ACTR3C: variants seen among roughly 807,000 people sequenced by gnomAD.
The protein encoded by ACTR3C is actin-related protein 3C.
A neutral mutation model predicts 26.3 loss-of-function variants in ACTR3C; 18 were observed. The ratio of observed to expected loss-of-function variants is 0.68; its 90% CI spans 0.47 to 1.01. The LOEUF (loss-of-function observed/expected upper bound fraction) is 1.01. Among genes scored for constraint, ACTR3C ranks in the 50% least tolerant of loss-of-function variants. ACTR3C has a pLI of 0.00. For synonymous variants in ACTR3C, 55 were observed against 94.5 expected (o/e 0.58, Z 2.42); for missense variants, 184 against 250.7 (o/e 0.73, Z 1.80).
the ACTR3C span, among the ~76,000 whole-genome samples, chr7:150,199,106 G>A: frequency 2.0e-5 from 3 of 150,818 alleles, no homozygotes; most frequent in African/African-American, 7.4e-5. Context: ...TGGGAGGTGT[G>A]CCCAACAGCT....
chr7:150,239,540 C>CTATA (rs869280836), downstream of ACTR3C, among the ~76,000 whole-genome samples: 2,353 of 90,014 alleles, frequency 0.026, 80 homozygotes, highest in Non-Finnish European at 0.034. Context: ...CTCTCTCTCT[C>CTATA]TATATATATA....
At chr7:150,099,051 G>A in the ACTR3C span, among the ~76,000 whole-genome samples, 1 of 147,452 alleles carries the variant, frequency 6.8e-6, no homozygotes, top group African/African-American at 2.6e-5. Flanking sequence ...CTCCATGATG[G>A]CCTAATATGC....
chr7:150,276,213 T>C (rs1486946877), intron 6 of ACTR3C, among the ~76,000 whole-genome samples: 2 of 152,084 alleles, frequency 1.3e-5, no homozygotes, highest in Admixed American at 1.3e-4. Context: ...AATGCGGTAT[T>C]AAAAATAACA....
the ACTR3C span, chr7:149,892,493 T>C: frequency 1.1e-5 from 14 of 1,226,622 alleles, no homozygotes; most frequent in Admixed American, 2.9e-5. Flanking sequence ...CACAAGTAAA[T>C]TTTCATTGTT....
intron 1 of ACTR3C, among the ~76,000 whole-genome samples, chr7:150,306,434 T>C (rs1277512994): frequency 2.0e-5 from 3 of 152,242 alleles, no homozygotes; most frequent in African/African-American, 7.2e-5. Flanking sequence ...AGGTAGTTTA[T>C]GTGATATGCT....
the ACTR3C span, among the ~76,000 whole-genome samples, chr7:149,975,233 A>C: frequency 6.6e-6 from 1 of 152,222 alleles, no homozygotes; most frequent in Non-Finnish European, 1.5e-5. Flanking sequence ...TTTAGAAATC[A>C]ATAACAGATG....
chr7:150,319,470 G>T (rs928063752), intron 1 of ACTR3C, among the ~76,000 whole-genome samples: 4 of 152,174 alleles, frequency 2.6e-5, no homozygotes, highest in African/African-American at 9.7e-5. Context: ...GCCTCCCAAA[G>T]TGCTGGGATT....
At chr7:150,220,376 A>G in the ACTR3C span, among the ~76,000 whole-genome samples, 3 of 145,150 alleles carry the variant, frequency 2.1e-5, no homozygotes, top group East Asian at 5.9e-4. Context: ...GTGGCGACAG[A>G]GGTGCGCGCC....
the ACTR3C span, among the ~76,000 whole-genome samples, chr7:149,911,645 G>A: frequency 1.2e-3 from 184 of 150,500 alleles, no homozygotes; most frequent in African/African-American, 4.2e-3. Flanking sequence ...AAGAGGAGCA[G>A]TGGCCTATGT....
chr7:150,048,786 C>T, the ACTR3C span, among the ~76,000 whole-genome samples: 1 of 152,110 alleles, frequency 6.6e-6, no homozygotes, highest in Admixed American at 6.5e-5. Context: ...GCGGGGTGGT[C>T]GGACGACGCT....
At chr7:149,920,164 T>C in the ACTR3C span, among the ~76,000 whole-genome samples, 28 of 152,332 alleles carry the variant, frequency 1.8e-4, no homozygotes, top group East Asian at 5.2e-3. Flanking sequence ...GGCTGGGTTA[T>C]ATCTGCAAGT....
the ACTR3C span, among the ~76,000 whole-genome samples, chr7:150,109,598 T>C: frequency 4.0e-5 from 6 of 149,220 alleles, no homozygotes; most frequent in Non-Finnish European, 5.9e-5. Flanking sequence ...GAGCATTTCT[T>C]CTCGGCATTT....
At chr7:150,169,199 G>A in the ACTR3C span, among the ~76,000 whole-genome samples, 1 of 149,970 alleles carries the variant, frequency 6.7e-6, no homozygotes, top group African/African-American at 2.5e-5. Context: ...GGCTAACATG[G>A]TGAAACCCCA....
At chr7:150,067,030 G>A in the ACTR3C span, among the ~76,000 whole-genome samples, 1 of 152,172 alleles carries the variant, frequency 6.6e-6, no homozygotes, top group Non-Finnish European at 1.5e-5. Context: ...CTAGCTTATG[G>A]AATCACTCAC....
At chr7:149,950,013 G>A in the ACTR3C span, among the ~76,000 whole-genome samples, 1 of 147,212 alleles carries the variant, frequency 6.8e-6, no homozygotes, top group Admixed American at 6.7e-5. Flanking sequence ...GCACCCACGG[G>A]AGCAGGGAGG....
chr7:150,268,205 C>T (rs1834194934), intron 6 of ACTR3C, among the ~76,000 whole-genome samples: 2 of 149,312 alleles, frequency 1.3e-5, no homozygotes. Context: ...TAAGATTGAG[C>T]CAAGTCACCC....
At chr7:149,948,009 C>T in the ACTR3C span, among the ~76,000 whole-genome samples, 6 of 150,944 alleles carry the variant, frequency 4.0e-5, no homozygotes, top group South Asian at 2.1e-4. Flanking sequence ...CTTGTATCAT[C>T]CTGATTTCCT....
the ACTR3C span, among the ~76,000 whole-genome samples, chr7:150,214,208 T>C: frequency 1.3e-5 from 2 of 152,222 alleles, no homozygotes; most frequent in African/African-American, 4.8e-5. Flanking sequence ...TTTTAAACTG[T>C]GGTCCAATTT....
chr7:150,294,975 T>C (rs953199845), intron 2 of ACTR3C, among the ~76,000 whole-genome samples: 20 of 151,996 alleles, frequency 1.3e-4, no homozygotes, highest in African/African-American at 4.4e-4. Context: ...AAGAAGCACA[T>C]CTACACCTAT....
Sources: gnomAD v4.1 joint callset for allele counts (sites outside exome capture counted in the v4.1 genomes callset) on GRCh38, gnomAD v4.1.1 for gene constraint, MANE v1.5 for transcripts, NCBI Gene and HGNC (gene_info 2026-07-23, HGNC 2026-07-21) for gene names.